NUTM2E: variants seen among roughly 807,000 people sequenced by gnomAD.
NUTM2E encodes the protein family with sequence similarity 22, member E.
In NUTM2E, 3 loss-of-function variants were observed where a neutral mutation model predicts 26.1. The ratio of observed to expected loss-of-function variants is 0.12; its 90% CI spans 0.05 to 0.30. NUTM2E has a LOEUF of 0.30. NUTM2E is among the 10% of genes least tolerant of loss of function. NUTM2E has a pLI of 1.00. For missense variants in NUTM2E, 62 were observed against 381.3 expected, an observed-to-expected ratio of 0.16 and a Z score of 6.97; for synonymous variants, 13 against 157.5, an observed-to-expected ratio of 0.08 and a Z score of 6.87.
rs1413744655 is a variant in NUTM2E at position 79,839,786 on chromosome 10, C to G, written c.-1955C>G. Among the ~76,000 whole-genome samples, 21 of 150,644 alleles carry G rather than the reference C, an allele frequency of 1.4e-4. No homozygotes were observed. The South Asian group carries it at 4.6e-3, about 33-fold the overall frequency. On this transcript the variant is annotated 5_prime_UTR_variant, in exon 4 of 10. It adds an upstream start codon to the 5' untranslated region. Coordinates refer to ENST00000429984, the MANE Select transcript of NUTM2E (RefSeq NM_001355263.2). ...AGCATGTGTCCTCTGAACAGGGGATCCAAGCCCTGAGATGTTCTTTCTCAG... is the reference window on the plus strand; with the variant it reads ...AGCATGTGTCCTCTGAACAGGGGATGCAAGCCCTGAGATGTTCTTTCTCAG...
intron 2 of NUTM2E, among the ~76,000 whole-genome samples, 31 bp downstream of exon 2, chr10:79,838,617 A>G (rs61862164): frequency 0.74 from 89,582 of 120,592 alleles, 30,925 homozygotes; most frequent in Middle Eastern, 0.84. Context: ...CGGCCTGGGC[A>G]TCCCGCAGGG....
intron 1 of NUTM2E, among the ~76,000 whole-genome samples, chr10:79,829,313 A>G (rs1841911719): frequency 6.6e-6 from 1 of 151,562 alleles, no homozygotes; most frequent in South Asian, 2.1e-4. Flanking sequence ...TGTATGGAGT[A>G]TTTATTATGT....
intron 5 of NUTM2E, among the ~76,000 whole-genome samples, chr10:79,845,420 A>G (rs1316596126): frequency 8.9e-6 from 1 of 112,172 alleles, no homozygotes; most frequent in Non-Finnish European, 2.3e-5. Flanking sequence ...TTCACCCTCA[A>G]TCCCTCCTAG....
chr10:79,831,365 A>C (rs1841926316), intron 1 of NUTM2E, among the ~76,000 whole-genome samples: 1 of 151,298 alleles, frequency 6.6e-6, no homozygotes, highest in African/African-American at 2.4e-5. Context: ...ATAATCGAAG[A>C]ATTTCACTTT....
chr10:79,848,449 C>T (rs1842033161), intron 7 of NUTM2E, 64 bp from the exon 8 acceptor site: 1 of 338,376 alleles, frequency 3.0e-6, no homozygotes, highest in African/African-American at 4.4e-5. Context: ...CCTGCCCTCC[C>T]CTGTGTGGTG....
At chr10:79,828,452 G>A (rs1841905271) in intron 1 of NUTM2E, among the ~76,000 whole-genome samples, 1 of 151,798 alleles carries the variant, frequency 6.6e-6, no homozygotes, top group Non-Finnish European at 1.5e-5. Flanking sequence ...AGTTTTCCTG[G>A]TAAAGTGTTT....
At chr10:79,828,536 G>T (rs1021536421) in intron 1 of NUTM2E, among the ~76,000 whole-genome samples, 1 of 151,732 alleles carries the variant, frequency 6.6e-6, no homozygotes, top group Non-Finnish European at 1.5e-5. Flanking sequence ...TTGCCCTTTT[G>T]CTTGGGACTG....
chr10:79,835,580 TCAAA>T (rs983705780), intron 1 of NUTM2E, among the ~76,000 whole-genome samples: 11 of 100,822 alleles, frequency 1.1e-4, no homozygotes, highest in African/African-American at 3.9e-4. Flanking sequence ...ATGTGGCAGC[TCAAA>T]CAATGTGATA....
At chr10:79,835,544 G>A (rs533556850) in intron 1 of NUTM2E, among the ~76,000 whole-genome samples, 1 of 104,332 alleles carries the variant, frequency 9.6e-6, no homozygotes, top group Non-Finnish European at 2.0e-5. Flanking sequence ...CAGAGGACCA[G>A]TTGGCTTAGT....
intron 1 of NUTM2E, among the ~76,000 whole-genome samples, chr10:79,833,816 A>T (rs1408085814): frequency 5.9e-5 from 9 of 151,792 alleles, no homozygotes; most frequent in African/African-American, 2.2e-4. Flanking sequence ...TTCCTCAAGG[A>T]TCTAGAACTA....
At chr10:79,833,757 TTGG>T (rs933699963) in intron 1 of NUTM2E, among the ~76,000 whole-genome samples, 1 of 151,828 alleles carries the variant, frequency 6.6e-6, no homozygotes. Context: ...TTTTACACTG[TTGG>T]TGGGAGTGTA....
chr10:79,838,917 C>G lies in NUTM2E; in HGVS notation c.-2312C>G, dbSNP rs997296976. On this transcript the variant is annotated 5_prime_UTR_variant, in exon 3 of 10. Transcript: ENST00000429984. ...AGGGCGGCCGGCCTCGCGCTGGAACCTCGCCCGCCTCAAGGCTCCTGCGGC... is the reference window on the plus strand; with the variant it reads ...AGGGCGGCCGGCCTCGCGCTGGAACGTCGCCCGCCTCAAGGCTCCTGCGGC... 1.3e-5 allele frequency among the ~76,000 whole-genome samples: 2 copies of G among 149,250 alleles called. No homozygotes were observed. Among genetic ancestry groups the G allele is most frequent in the African/African-American group, 4.9e-5 (2 of 40,588 alleles).
intron 3 of NUTM2E, among the ~76,000 whole-genome samples, 183 bp from the exon 4 acceptor site, chr10:79,839,445 A>T (rs1041006226): frequency 4.0e-5 from 6 of 150,758 alleles, no homozygotes; most frequent in Admixed American, 1.3e-4. Flanking sequence ...ACCTTGATCA[A>T]TTTCAGTCGA....
chr10:79,836,949 A>G (rs1192754329), intron 1 of NUTM2E, among the ~76,000 whole-genome samples: 3 of 151,976 alleles, frequency 2.0e-5, no homozygotes, highest in Non-Finnish European at 4.4e-5. Flanking sequence ...GCCTCTCCTC[A>G]CAATGAATAA....
chr10:79,832,460 G>T (rs1448874929), intron 1 of NUTM2E, among the ~76,000 whole-genome samples: 2 of 151,784 alleles, frequency 1.3e-5, no homozygotes, highest in East Asian at 3.9e-4. Flanking sequence ...TAATCAGTGG[G>T]TATTTCAGTA....
rs137933128 is a variant in NUTM2E, at chr10:79,830,955, T to C, written c.-2728+3598T>C. Among the ~76,000 whole-genome samples the C allele has an allele frequency of 5.4e-3, 819 of 151,928 alleles. 12 individuals carry two copies. The highest frequency in any genetic ancestry group is 0.019 in the African/African-American group (786 of 41,492). ...TTTTTCACAGTCAGCTTGCCTTCTT[T>C]ATTTTAATATTTATATACCACGTAG... On this transcript the variant is annotated intron_variant, in intron 1 of 9. Coordinates refer to ENST00000429984, the MANE Select transcript of NUTM2E (RefSeq NM_001355263.2).
intron 1 of NUTM2E, among the ~76,000 whole-genome samples, chr10:79,830,401 T>C (rs1043772150): frequency 6.6e-6 from 1 of 151,706 alleles, no homozygotes; most frequent in Non-Finnish European, 1.5e-5. Context: ...CAATGTTACT[T>C]AAAGAAACAG....
Position 79,827,249 on chromosome 10 carries a change from C to T in NUTM2E, c.-2836C>T, listed in dbSNP as rs1841890294. The T allele has an allele frequency of 6.5e-6, 1 of 152,726 alleles. No individual in the cohort carries two copies. The highest frequency in any genetic ancestry group is 1.5e-5 in the Non-Finnish European group (1 of 67,690). 9.5% of individuals were successfully genotyped at this position (152,726 alleles called of 1,614,324 possible). A position where few individuals can be genotyped will look rare whatever the true frequency, so the allele number is the denominator to read the frequency against. ...GCTAGAGTTGGCTTCAGCGGAATACCTACTGTGCGGGATTATTCAACAAGC... is the reference window on the plus strand; with the variant it reads ...GCTAGAGTTGGCTTCAGCGGAATACTTACTGTGCGGGATTATTCAACAAGC... On this transcript the variant is annotated 5_prime_UTR_variant, in exon 1 of 10. Transcript: ENST00000429984.
rs1841885789 is a variant in NUTM2E at position 79,826,926 on chromosome 10, G to T, written c.-3159G>T. 6.6e-6 allele frequency: 1 copy of T among 150,506 alleles called. No individual in the cohort carries two copies. The highest frequency in any genetic ancestry group is 6.6e-5 in the Admixed American group (1 of 15,098). 9.3% of individuals were successfully genotyped at this position (150,506 alleles called of 1,614,324 possible). On this transcript the variant is annotated 5_prime_UTR_variant, in exon 1 of 10. Coordinates refer to ENST00000429984, the MANE Select transcript of NUTM2E (RefSeq NM_001355263.2). The stretch of plus-strand genomic sequence containing the variant: ...GGGATCCGGGTCGGGGTGTCGGCCG[G>T]GTTGCTGCCGGGCACCGTCGAGCGT...
Sources: gnomAD v4.1 joint callset for allele counts (sites outside exome capture counted in the v4.1 genomes callset) on GRCh38, gnomAD v4.1.1 for gene constraint, MANE v1.5 for transcripts, NCBI Gene and HGNC (gene_info 2026-07-23, HGNC 2026-07-21) for gene names.